RB1: variants seen among roughly 807,000 people sequenced by gnomAD.
RB1 encodes the protein RB transcriptional corepressor 1.
Under a neutral mutation model 135.4 loss-of-function variants are expected in RB1, and 18 were observed. The ratio of observed to expected loss-of-function variants is 0.13; its 90% CI spans 0.09 to 0.20. The LOEUF (loss-of-function observed/expected upper bound fraction) is 0.20. RB1 is among the 10% of genes least tolerant of loss of function. RB1 has a pLI of 1.00. For missense variants in RB1, 868 were observed against 1,110.0 expected (o/e 0.78, Z 3.10); for synonymous variants, 365 against 373.2 (o/e 0.98, Z 0.25).
chr13:48,319,085 A>G lies in RB1; in HGVS notation c.264+11679A>G. ...GTCTGCCTGGCACGAGGACCGTTCTACAAACTCGTTCCTGGAAGCCGGGCT... is the reference window on the plus strand; with the variant it reads ...GTCTGCCTGGCACGAGGACCGTTCTGCAAACTCGTTCCTGGAAGCCGGGCT... On this transcript the variant is annotated intron_variant, in intron 2 of 26. Coordinates refer to ENST00000267163, the MANE Select transcript of RB1 (RefSeq NM_000321.3). This position sits in a 1 kb window ranked among gnomAD's most constrained non-coding sequence, Gnocchi z 5.0. The G allele has an allele frequency of 4.9e-6, 3 of 614,080 alleles. No individual in the cohort carries two copies. Among genetic ancestry groups the G allele is most frequent in the Non-Finnish European group, 9.1e-6 (3 of 331,214 alleles). The allele number at this position is 614,080 out of a possible 1,614,324, so 38.0% of individuals were successfully genotyped here. A position where few individuals can be genotyped will look rare whatever the true frequency, so the allele number is the denominator to read the frequency against.
intron 21 of RB1, among the ~76,000 whole-genome samples, chr13:48,464,251 CT>C (rs1367188064): frequency 6.6e-6 from 1 of 152,142 alleles, no homozygotes; most frequent in Non-Finnish European, 1.5e-5. Context: ...TTTACCTTCC[CT>C]TTAGAGAAAT....
chr13:48,433,698 C>A (rs1303446182), intron 17 of RB1, among the ~76,000 whole-genome samples: 1 of 109,768 alleles, frequency 9.1e-6, no homozygotes, highest in African/African-American at 3.1e-5. Flanking sequence ...TTTTTTTTAC[C>A]TTTAGTAGGT....
rs554356667 is a variant in RB1, at chr13:48,412,591, G to A, written c.1695+31148G>A. 213 of 634,750 alleles carry A rather than the reference G, an allele frequency of 3.4e-4. No individual in the cohort carries two copies. The Middle Eastern group carries it at 3.7e-3, about 11-fold the overall frequency. The allele number at this position is 634,750 out of a possible 1,614,324, so 39.3% of individuals were successfully genotyped here. On this transcript the variant is annotated intron_variant, in intron 17 of 26. Transcript: ENST00000267163. ...TCTCAGAAATACCCAAAAGAAACAT[G>A]AAATTTGTTGCTGTAAAATTTCCGC...
chr13:48,396,158 T>C (rs906490904), intron 17 of RB1, among the ~76,000 whole-genome samples: 3 of 152,154 alleles, frequency 2.0e-5, no homozygotes, highest in Non-Finnish European at 4.4e-5. Context: ...TTAAATTTTA[T>C]ATAGAACCTA....
intron 2 of RB1, among the ~76,000 whole-genome samples, chr13:48,337,835 G>A (rs1952398932): frequency 6.6e-6 from 1 of 152,166 alleles, no homozygotes; most frequent in African/African-American, 2.4e-5. Context: ...TCCTTTCCAT[G>A]TTTAGTGCTT....
At chr13:48,339,099 C>T (rs1440341803) in intron 2 of RB1, among the ~76,000 whole-genome samples, 1 of 152,158 alleles carries the variant, frequency 6.6e-6, no homozygotes, top group Non-Finnish European at 1.5e-5. Flanking sequence ...GTGTGCCTCC[C>T]AGTTAGGCTA....
At position 48,362,545 on chromosome 13, in the gene RB1, C is replaced by G. The variant is rs907379688; in HGVS notation, c.719-270C>G. ...CGCTTAGATTTAGTTTGAAAGTTGG[C>G]TATTTCCATGCCTTCTCTTTGTATT... On this transcript the variant is annotated intron_variant, in intron 7 of 26. Transcript: ENST00000267163. Among the ~76,000 whole-genome samples the G allele has an allele frequency of 2.6e-5, 4 of 152,030 alleles. No homozygotes were observed. The South Asian group carries it at 8.3e-4, about 32-fold the overall frequency.
At chr13:48,388,119 A>G (rs1192744740) in intron 17 of RB1, among the ~76,000 whole-genome samples, 1 of 152,214 alleles carries the variant, frequency 6.6e-6, no homozygotes, top group Middle Eastern at 3.2e-3. Flanking sequence ...CTATATGTGC[A>G]TATCTCATGT....
At chr13:48,421,886 G>A (rs1258086442) in intron 17 of RB1, among the ~76,000 whole-genome samples, 1 of 152,210 alleles carries the variant, frequency 6.6e-6, no homozygotes, top group Non-Finnish European at 1.5e-5. Context: ...TGGAGAGGAT[G>A]TGGAGAATAG....
At chr13:48,403,636 G>A (rs1415215839) in intron 17 of RB1, among the ~76,000 whole-genome samples, 1 of 152,098 alleles carries the variant, frequency 6.6e-6, no homozygotes, top group Non-Finnish European at 1.5e-5. Flanking sequence ...CCTCAAACTT[G>A]AGCATGCATC....
rs531007444 is a variant in RB1, at chr13:48,369,148, G to C, written c.1127+544G>C. ...GTGTTCCATTTCAGTAAATAAAAAAGAAAAAATTAAAGTATCACTATTTGA... is the reference window on the plus strand; with the variant it reads ...GTGTTCCATTTCAGTAAATAAAAAACAAAAAATTAAAGTATCACTATTTGA... On this transcript the variant is annotated intron_variant, in intron 11 of 26. Transcript: ENST00000267163. Among the ~76,000 whole-genome samples, 15 of 152,162 alleles carry C rather than the reference G, an allele frequency of 9.9e-5. No individual in the cohort carries two copies. The East Asian group carries it at 2.9e-3, about 29-fold the overall frequency.
At chr13:48,476,355 A>G (rs1949503992) in intron 24 of RB1, 1 of 237,700 alleles carries the variant, frequency 4.2e-6, no homozygotes, top group South Asian at 5.9e-5. Context: ...AGTTTCCAGA[A>G]AGCTGTTCTG....
chr13:48,426,611 G>A (rs974068069), intron 17 of RB1: 1 of 152,130 alleles, frequency 6.6e-6, no homozygotes, highest in African/African-American at 2.4e-5. Flanking sequence ...ATCTTCTTTG[G>A]TATATAGTTT....
intron 2 of RB1, chr13:48,328,564 T>C: frequency 4.4e-6 from 3 of 683,370 alleles, no homozygotes; most frequent in Non-Finnish European, 8.1e-6. Context: ...ATCAGCCATT[T>C]CCCCCGCCGC....
intron 17 of RB1, among the ~76,000 whole-genome samples, chr13:48,426,116 G>T (rs1228891781): frequency 6.6e-6 from 1 of 152,094 alleles, no homozygotes; most frequent in African/African-American, 2.4e-5. Flanking sequence ...CTTACCTTGG[G>T]CAAACTCTGC....
chr13:48,371,685 T>G (rs1334152248), intron 11 of RB1, among the ~76,000 whole-genome samples: 2 of 151,980 alleles, frequency 1.3e-5, no homozygotes, highest in African/African-American at 4.8e-5. Flanking sequence ...AAAATGAGAT[T>G]GCTTGAAGGG....
chr13:48,412,186 G>A lies in RB1; in HGVS notation c.1695+30743G>A, dbSNP rs764752878. 19 of 1,613,792 alleles carry A rather than the reference G, an allele frequency of 1.2e-5. No homozygotes were observed. In the African/African-American group the frequency reaches 1.2e-4, roughly 10 times the overall value. ...AGTAAATCTCCAAATGGCCAATTCC[G>A]TGTTGTGAAGTAAAAAATCCTGAAG... is the stretch of plus-strand genomic sequence containing the variant. On this transcript the variant is annotated intron_variant, in intron 17 of 26. Coordinates refer to ENST00000267163, the MANE Select transcript of RB1 (RefSeq NM_000321.3).
At chr13:48,471,573 T>TAAAAAAAAAA (rs1555294964) in intron 23 of RB1, among the ~76,000 whole-genome samples, 1 of 133,994 alleles carries the variant, frequency 7.5e-6, no homozygotes, top group African/African-American at 2.7e-5. Context: ...AAAATATAAA[T>TAAAAAAAAAA]AAAAAAAAAA....
Position 48,319,162 on chromosome 13 carries a change from C to T in RB1, c.264+11756C>T. On this transcript the variant is annotated intron_variant, in intron 2 of 26. Coordinates refer to ENST00000267163, the MANE Select transcript of RB1 (RefSeq NM_000321.3). This position sits in a 1 kb window ranked among gnomAD's most constrained non-coding sequence, Gnocchi z 5.0. Reference sequence around the variant, plus strand: ...TCGGGAGCTTGTGGGGAATGGTCAGCGTCTAGGCACCCCGGGCAAGGGTCT... The same window carrying T: ...TCGGGAGCTTGTGGGGAATGGTCAGTGTCTAGGCACCCCGGGCAAGGGTCT... 3.3e-6 allele frequency: 2 copies of T among 601,480 alleles called. No individual in the cohort carries two copies. Among genetic ancestry groups the T allele is most frequent in the Non-Finnish European group, 5.9e-6 (2 of 337,038 alleles). The allele number at this position is 601,480 out of a possible 1,614,324, so 37.3% of individuals were successfully genotyped here.
Sources: allele counts gnomAD v4.1 joint callset (sites outside exome capture counted in the v4.1 genomes callset), GRCh38; gene constraint gnomAD v4.1.1; non-coding constraint Gnocchi (gnomAD v3.1); transcripts MANE v1.5; gene names NCBI Gene and HGNC (gene_info 2026-07-23, HGNC 2026-07-21).